The following RAPGEF6 variants were observed in gnomAD, a reference collection of about 807,000 sequenced individuals.
RAPGEF6 encodes the protein Rap guanine nucleotide exchange factor 6.
Under a neutral mutation model 171.4 loss-of-function variants are expected in RAPGEF6, and 56 were observed. The ratio of observed to expected loss-of-function variants is 0.33; its 90% confidence interval spans 0.26 to 0.41. RAPGEF6 has a LOEUF of 0.41. Among genes scored for constraint, RAPGEF6 ranks in the 10% least tolerant of loss-of-function variants. RAPGEF6 has a pLI of 1.00. For missense variants in RAPGEF6, 1,674 were observed against 1,921.4 expected (o/e 0.87, Z 2.41); for synonymous variants, 692 against 650.1 (o/e 1.06, Z -0.98).
chr5:131,609,110 T>TCG (rs1721455539), intron 1 of RAPGEF6, among the ~76,000 whole-genome samples: 1 of 152,174 alleles, frequency 6.6e-6, no homozygotes, highest in African/African-American at 2.4e-5. Flanking sequence ...TTGCACACAC[T>TCG]TGCTCCCCTT....
At chr5:131,465,271 T>C (rs1438055611) in intron 17 of RAPGEF6, among the ~76,000 whole-genome samples, 1 of 152,170 alleles carries the variant, frequency 6.6e-6, no homozygotes, top group South Asian at 2.1e-4. Context: ...TTTGAGACAA[T>C]GTTTATATGA....
At chr5:131,611,457 A>G (rs1764930154) in intron 1 of RAPGEF6, among the ~76,000 whole-genome samples, 1 of 152,184 alleles carries the variant, frequency 6.6e-6, no homozygotes, top group South Asian at 2.1e-4. Flanking sequence ...AGATCAACTC[A>G]GGTCAGGAGT....
chr5:131,470,153 T>A (rs1020300038), intron 17 of RAPGEF6, among the ~76,000 whole-genome samples: 1 of 152,204 alleles, frequency 6.6e-6, no homozygotes, highest in Non-Finnish European at 1.5e-5. Flanking sequence ...ATTACACATT[T>A]GGGGGTTTAA....
Position 131,431,223 on chromosome 5 carries a change from C to T in RAPGEF6, c.4101G>A (p.Ser1367=), listed in dbSNP as rs143797517. The change falls in exon 26 of 28, where the codon TCG becomes TCA. Residue 1367 remains serine (S), a synonymous_variant. Coordinates refer to ENST00000509018, the MANE Select transcript of RAPGEF6 (RefSeq NM_016340.6). ...AGTTGTCATGGGAGCTGCTTGAACA[C>T]GAAGTCCAACTTCCACGACCACTGT... The part of the protein sequence containing the change: ...AADSGRGSWT[S]CSSSSHDNFQ... The T allele has an allele frequency of 2.0e-4, 316 of 1,614,186 alleles. 1 individual carries two copies. In the African/African-American group the frequency reaches 3.8e-3, roughly 19 times the overall value.
chr5:131,620,340 T>C (rs989311365), intron 1 of RAPGEF6, among the ~76,000 whole-genome samples: 2 of 152,222 alleles, frequency 1.3e-5, no homozygotes, highest in African/African-American at 4.8e-5. Context: ...CCACTAAACT[T>C]AGATACTATA....
intron 6 of RAPGEF6, among the ~76,000 whole-genome samples, chr5:131,524,626 GAGAGAGAGA>G (rs1758756004): frequency 6.6e-6 from 1 of 151,184 alleles, no homozygotes; most frequent in Non-Finnish European, 1.5e-5. Flanking sequence ...GAGAGAGAGA[GAGAGAGAGA>G]GAGAGAGACT....
intron 4 of RAPGEF6, among the ~76,000 whole-genome samples, chr5:131,574,951 A>G (rs972509329): frequency 1.2e-4 from 18 of 152,048 alleles, no homozygotes; most frequent in African/African-American, 4.1e-4. Context: ...TCTCCTTACA[A>G]TTCTCCTATC....
intron 25 of RAPGEF6, among the ~76,000 whole-genome samples, chr5:131,431,684 G>A (rs925730780): frequency 1.3e-5 from 2 of 151,742 alleles, no homozygotes; most frequent in Admixed American, 1.3e-4. Flanking sequence ...TTATTTACAG[G>A]CACGATCATG....
chr5:131,471,043 A>G (rs1754701733), intron 17 of RAPGEF6, among the ~76,000 whole-genome samples: 1 of 152,198 alleles, frequency 6.6e-6, no homozygotes, highest in East Asian at 1.9e-4. Flanking sequence ...CCTCTGTGAT[A>G]TCTTAGTGCT....
rs1760749928 is a variant in RAPGEF6 at position 131,549,193 on chromosome 5, T to G, written c.352-1003A>C. 2.0e-5 allele frequency among the ~76,000 whole-genome samples: 3 copies of G among 152,208 alleles called. No individual in the cohort carries two copies. In the South Asian group the frequency reaches 6.2e-4, roughly 32 times the overall value. ...CAGAACAAACCATAATTTTTTAAAT[T>G]AACTATTTTTATAAAGGTATATTGA... On this transcript the variant is annotated intron_variant, in intron 5 of 27. Transcript: ENST00000509018.
intron 3 of RAPGEF6, among the ~76,000 whole-genome samples, chr5:131,593,791 A>G (rs773764462): frequency 6.6e-6 from 1 of 152,244 alleles, no homozygotes; most frequent in Non-Finnish European, 1.5e-5. Context: ...ATTTCTAAGC[A>G]GCAAAGCATT....
intron 4 of RAPGEF6, among the ~76,000 whole-genome samples, chr5:131,566,134 G>A (rs1761916181): frequency 6.7e-6 from 1 of 150,254 alleles, no homozygotes; most frequent in Non-Finnish European, 1.5e-5. Context: ...GTGACAGAAT[G>A]AGACTCTGTC....
intron 1 of RAPGEF6, among the ~76,000 whole-genome samples, chr5:131,616,491 CACT>C (rs1469660585): frequency 3.3e-5 from 5 of 152,310 alleles, no homozygotes; most frequent in African/African-American, 1.2e-4. Context: ...CAATTCTCCT[CACT>C]GTCCTTCTAC....
chr5:131,614,404 A>G (rs772851442), intron 1 of RAPGEF6, among the ~76,000 whole-genome samples: 13 of 152,124 alleles, frequency 8.5e-5, no homozygotes, highest in Non-Finnish European at 1.8e-4. Flanking sequence ...ATGCCTGGGA[A>G]GGCCTCAGGA....
intron 4 of RAPGEF6, among the ~76,000 whole-genome samples, chr5:131,574,949 C>T (rs1178480730): frequency 6.6e-6 from 1 of 152,148 alleles, no homozygotes; most frequent in African/African-American, 2.4e-5. Context: ...ATTCTCCTTA[C>T]AATTCTCCTA....
chr5:131,487,477 T>C (rs892784585), intron 15 of RAPGEF6, among the ~76,000 whole-genome samples: 2 of 152,196 alleles, frequency 1.3e-5, no homozygotes, highest in African/African-American at 2.4e-5. Context: ...AGAGTGCTGA[T>C]TGGTGCATTT....
At chr5:131,469,719 T>C in intron 17 of RAPGEF6, 1 of 1,064,108 alleles carries the variant, frequency 9.4e-7, no homozygotes, top group Non-Finnish European at 1.3e-6. Context: ...CATTCAATTC[T>C]GTATCATTGG....
intron 8 of RAPGEF6, among the ~76,000 whole-genome samples, chr5:131,509,552 A>T (rs891540880): frequency 2.0e-5 from 3 of 152,130 alleles, no homozygotes; most frequent in Non-Finnish European, 4.4e-5. Context: ...CAAAAAAAAA[A>T]ATAAGAGTAC....
intron 5 of RAPGEF6, among the ~76,000 whole-genome samples, chr5:131,551,033 T>C (rs1286494941): frequency 1.3e-5 from 2 of 152,216 alleles, no homozygotes; most frequent in Non-Finnish European, 2.9e-5. Flanking sequence ...TTTGCCAAAA[T>C]AGGTGTTTAA....
Sources: allele counts gnomAD v4.1 joint callset (sites outside exome capture counted in the v4.1 genomes callset), GRCh38; gene constraint gnomAD v4.1.1; transcripts MANE v1.5; gene names NCBI Gene and HGNC (gene_info 2026-07-23, HGNC 2026-07-21).